SLC31A1: variants seen among roughly 807,000 people sequenced by gnomAD.
SLC31A1 encodes the protein high affinity copper uptake protein 1.
A neutral mutation model predicts 17.2 loss-of-function variants in SLC31A1; 5 were observed. The observed-to-expected ratio is 0.29, with a 90% CI of 0.15 to 0.61. The LOEUF is 0.61. Ranked by LOEUF, SLC31A1 falls within the 20% of genes least tolerant of loss-of-function variation. The pLI is 0.86. For missense variants in SLC31A1, 161 were observed against 241.4 expected (o/e 0.67, Z 2.21); for synonymous variants, 76 against 78.8 (o/e 0.96, Z 0.19).
intron 1 of SLC31A1, among the ~76,000 whole-genome samples, chr9:113,254,883 T>G (rs1040446446): frequency 6.6e-5 from 10 of 152,042 alleles, no homozygotes; most frequent in Non-Finnish European, 1.2e-4. Context: ...TGGGCAACCA[T>G]GCAAAACTCT....
At chr9:113,250,657 A>C (rs1390868778) in intron 1 of SLC31A1, among the ~76,000 whole-genome samples, 1 of 150,956 alleles carries the variant, frequency 6.6e-6, no homozygotes. Context: ...GTGCACATGT[A>C]CCCTAAAACT....
At chr9:113,254,877 C>T (rs1831703700) in intron 1 of SLC31A1, among the ~76,000 whole-genome samples, 1 of 152,046 alleles carries the variant, frequency 6.6e-6, no homozygotes, top group African/African-American at 2.4e-5. Context: ...CCAGCCTGGG[C>T]AACCATGCAA....
chr9:113,248,042 G>A (rs1190000960), intron 1 of SLC31A1, among the ~76,000 whole-genome samples: 1 of 152,142 alleles, frequency 6.6e-6, no homozygotes, highest in African/African-American at 2.4e-5. Flanking sequence ...AAGATGGCCA[G>A]GCATGGTGGC....
intron 1 of SLC31A1, among the ~76,000 whole-genome samples, chr9:113,234,078 G>T (rs1201660463): frequency 6.6e-6 from 1 of 152,062 alleles, no homozygotes; most frequent in Non-Finnish European, 1.5e-5. Flanking sequence ...ACCCCACCTT[G>T]AGTACACACA....
intron 1 of SLC31A1, among the ~76,000 whole-genome samples, chr9:113,241,491 A>C (rs1050661473): frequency 4.6e-5 from 7 of 152,348 alleles, no homozygotes; most frequent in Admixed American, 3.9e-4. Context: ...ACAAGTCCCC[A>C]GAGGTATTTG....
intron 1 of SLC31A1, among the ~76,000 whole-genome samples, chr9:113,228,846 T>A (rs930090696): frequency 2.6e-5 from 4 of 152,092 alleles, no homozygotes; most frequent in African/African-American, 9.7e-5. Context: ...GATTTGATGA[T>A]ACTTTTTTTT....
intron 1 of SLC31A1, among the ~76,000 whole-genome samples, chr9:113,228,973 A>C (rs1407939857): frequency 6.6e-6 from 1 of 151,666 alleles, no homozygotes; most frequent in African/African-American, 2.4e-5. Flanking sequence ...TAGCCTCCCT[A>C]GTATCTGGGA....
chr9:113,238,559 C>G (rs556781075), intron 1 of SLC31A1, among the ~76,000 whole-genome samples: 20 of 152,266 alleles, frequency 1.3e-4, no homozygotes, highest in Non-Finnish European at 2.1e-4. Flanking sequence ...GTCAGGAGCT[C>G]AAGACCAGCC....
intron 1 of SLC31A1, among the ~76,000 whole-genome samples, chr9:113,249,315 A>C (rs1283608219): frequency 6.6e-6 from 1 of 150,760 alleles, no homozygotes; most frequent in African/African-American, 2.4e-5. Context: ...AAAAAAAAAA[A>C]AGTAAATGAA....
In SLC31A1 at chr9:113,242,759, G is replaced by T. The variant is rs138224048; in HGVS notation, c.-35-13355G>T. Among the ~76,000 whole-genome samples, 74 of 152,160 alleles carry T rather than the reference G, an allele frequency of 4.9e-4. 1 individual carries two copies. The East Asian group carries it at 0.012, about 25-fold the overall frequency. ...ATCTTATAGTTTGTTCCATTTCCCCGATGTCATTTTATGTGACACTTGTCA... is the reference window on the plus strand; with the variant it reads ...ATCTTATAGTTTGTTCCATTTCCCCTATGTCATTTTATGTGACACTTGTCA... On this transcript the variant is annotated intron_variant, in intron 1 of 4. Transcript: ENST00000374212.
intron 1 of SLC31A1, among the ~76,000 whole-genome samples, chr9:113,252,620 T>C (rs1831667877): frequency 6.6e-6 from 1 of 152,186 alleles, no homozygotes; most frequent in South Asian, 2.1e-4. Context: ...CTCTACATGT[T>C]ATCTTATATC....
chr9:113,247,552 G>C (rs545722956), intron 1 of SLC31A1, among the ~76,000 whole-genome samples: 4 of 152,248 alleles, frequency 2.6e-5, no homozygotes, highest in African/African-American at 9.6e-5. Context: ...CCTAACTTCT[G>C]ACCATAAATT....
chr9:113,236,790 C>G (rs1203322502), intron 1 of SLC31A1, among the ~76,000 whole-genome samples: 1 of 152,168 alleles, frequency 6.6e-6, no homozygotes, highest in African/African-American at 2.4e-5. Flanking sequence ...TAATAGAAAA[C>G]CAGGGCTAGA....
intron 1 of SLC31A1, among the ~76,000 whole-genome samples, chr9:113,249,178 A>G (rs16930959): frequency 0.062 from 9,475 of 151,862 alleles, 650 homozygotes; most frequent in East Asian, 0.34. Context: ...CCAGTTAGGT[A>G]GTTAAGTCCT....
In SLC31A1 at chr9:113,257,160, C is replaced by T. The variant is rs143596551; in HGVS notation, c.177C>T (p.Ser59=). ...FGFKNVELLF[S]GLVINTAGEM... is the part of the protein sequence containing the mutation. ...TTAAGAATGTGGAACTACTGTTTTC[C>T]GGTTTGGTGATCAATACAGCTGGAG... The change falls in exon 3 of 5, where the codon TCC becomes TCT. Residue 59 remains serine, a synonymous_variant. Transcript: ENST00000374212. 4.6e-5 allele frequency: 74 copies of T among 1,613,752 alleles called. No individual in the cohort carries two copies. The East Asian group carries it at 8.5e-4, about 18-fold the overall frequency.
In SLC31A1 at chr9:113,262,238, A is replaced by C. The variant is rs1487526687; in HGVS notation, c.*1765A>C. ...CCAAGCAGATCCTCATCCTCCATAT[A>C]ATCATCTTTGTTATTCGTGGGGGTT... On this transcript the variant is annotated 3_prime_UTR_variant, in exon 5 of 5. Coordinates refer to ENST00000374212, the MANE Select transcript of SLC31A1 (RefSeq NM_001859.4). 6.6e-6 allele frequency: 1 copy of C among 152,628 alleles called. No homozygotes were observed. Among genetic ancestry groups the C allele is most frequent in the Non-Finnish European group, 1.5e-5 (1 of 68,052 alleles). The allele number at this position is 152,628 out of a possible 1,614,324, so 9.5% of individuals were successfully genotyped here. A position where few individuals can be genotyped will look rare whatever the true frequency, so the allele number is the denominator to read the frequency against.
chr9:113,239,100 G>A (rs1831495030), intron 1 of SLC31A1, among the ~76,000 whole-genome samples: 1 of 152,092 alleles, frequency 6.6e-6, no homozygotes, highest in South Asian at 2.1e-4. Flanking sequence ...AAACCCATGG[G>A]ACTTTTACAG....
intron 1 of SLC31A1, among the ~76,000 whole-genome samples, chr9:113,254,634 C>G (rs1439320167): frequency 6.6e-6 from 1 of 152,148 alleles, no homozygotes; most frequent in African/African-American, 2.4e-5. Flanking sequence ...CACGGTAGCT[C>G]AAGCCTATAA....
intron 1 of SLC31A1, among the ~76,000 whole-genome samples, chr9:113,238,522 G>A (rs1022338297): frequency 2.0e-5 from 3 of 152,198 alleles, no homozygotes; most frequent in African/African-American, 7.2e-5. Context: ...AGCACTTTGA[G>A]GGGCCGAGGC....
Sources: allele counts gnomAD v4.1 joint callset (sites outside exome capture counted in the v4.1 genomes callset), GRCh38; gene constraint gnomAD v4.1.1; transcripts MANE v1.5; gene names NCBI Gene and HGNC (gene_info 2026-07-23, HGNC 2026-07-21).